The following ATP11B variants were observed in gnomAD, a reference collection of about 807,000 sequenced individuals.
The protein encoded by ATP11B is phospholipid-transporting ATPase IF.
A neutral mutation model predicts 157.8 loss-of-function variants in ATP11B; 81 were observed. The observed-to-expected ratio is 0.51, with a 90% confidence interval of 0.43 to 0.62. ATP11B has a LOEUF of 0.62. Among genes scored for constraint, ATP11B ranks in the 20% least tolerant of loss-of-function variants. The probability of loss-of-function intolerance (pLI) is 0.00; values close to 1 mark genes in which losing one functional copy is unlikely to be tolerated. For missense variants in ATP11B, 1,165 were observed against 1,402.2 expected (o/e 0.83, Z 2.70); for synonymous variants, 451 against 469.4 (o/e 0.96, Z 0.51).
intron 21 of ATP11B, 86 bp downstream of exon 21, chr3:182,881,067 T>A: frequency 1.0e-6 from 1 of 956,956 alleles, no homozygotes; most frequent in Non-Finnish European, 1.6e-6. Flanking sequence ...TTTTGTAGAT[T>A]AAAGTACAGT....
chr3:182,901,628 T>TA (rs1723975252), intron 28 of ATP11B, among the ~76,000 whole-genome samples: 1 of 152,146 alleles, frequency 6.6e-6, no homozygotes, highest in Admixed American at 6.5e-5. Context: ...AAATTCTACT[T>TA]TAGGCAGAGC....
At chr3:182,914,492 ATTTC>A in intron 29 of ATP11B, 1 of 985,274 alleles carries the variant, frequency 1.0e-6, no homozygotes, top group Non-Finnish European at 1.2e-6. Context: ...AAAAGGCTGT[ATTTC>A]TGCTCCCCTA....
chr3:182,910,437 G>A (rs1724699551), intron 28 of ATP11B, among the ~76,000 whole-genome samples: 1 of 152,046 alleles, frequency 6.6e-6, no homozygotes, highest in Non-Finnish European at 1.5e-5. Context: ...AGCCTGACAT[G>A]ATGACGCACA....
intron 17 of ATP11B, among the ~76,000 whole-genome samples, chr3:182,871,114 T>C (rs1201302230): frequency 6.6e-6 from 1 of 151,926 alleles, no homozygotes; most frequent in Non-Finnish European, 1.5e-5. Context: ...GCCTGGGCAA[T>C]GTAGCAAGAC....
chr3:182,911,125 G>T (rs1420484432), intron 28 of ATP11B, among the ~76,000 whole-genome samples: 1 of 151,974 alleles, frequency 6.6e-6, no homozygotes. Flanking sequence ...GTCACAACTG[G>T]TCTTTTTGCA....
intron 12 of ATP11B, among the ~76,000 whole-genome samples, chr3:182,864,818 A>G (rs1345820401): frequency 6.6e-6 from 1 of 152,058 alleles, no homozygotes; most frequent in Non-Finnish European, 1.5e-5. Flanking sequence ...TTCTTTTTTC[A>G]TGGACATACT....
intron 1 of ATP11B, among the ~76,000 whole-genome samples, chr3:182,800,122 A>G (rs951541866): frequency 2.6e-5 from 4 of 152,148 alleles, no homozygotes; most frequent in African/African-American, 9.7e-5. Flanking sequence ...AAAAATAAAA[A>G]TTAAAAAAAA....
At chr3:182,902,704 C>G in intron 28 of ATP11B, 4 of 334,878 alleles carry the variant, frequency 1.2e-5, no homozygotes, top group Non-Finnish European at 5.4e-6. Flanking sequence ...ATAATTTGAC[C>G]TTTATTAACA....
intron 2 of ATP11B, 79 bp downstream of exon 2, chr3:182,820,455 G>A (rs944043614): frequency 1.5e-5 from 14 of 959,746 alleles, no homozygotes; most frequent in Non-Finnish European, 2.2e-5. Context: ...AGGCCAAGGC[G>A]AGAGGATCGG....
intron 27 of ATP11B, among the ~76,000 whole-genome samples, chr3:182,898,395 T>C (rs1225926655): frequency 6.6e-6 from 1 of 152,150 alleles, no homozygotes; most frequent in East Asian, 1.9e-4. Flanking sequence ...GGTCAACTGC[T>C]TGCCATTTTC....
chr3:182,909,462 C>CT lies in ATP11B; in HGVS notation c.3319-4390dup, dbSNP rs991775332. Among the ~76,000 whole-genome samples the CT allele has an allele frequency of 7.3e-5, 11 of 151,468 alleles. No individual in the cohort carries two copies. In the South Asian group the frequency reaches 8.4e-4, roughly 12 times the overall value. On this transcript the variant is annotated intron_variant, in intron 28 of 29. Transcript: ENST00000323116. ...GTGGGGTCTCACTCCCATTACTATG[C>CT]TTTTTTTTTCTTTTCTATTATTTAA...
intron 28 of ATP11B, among the ~76,000 whole-genome samples, chr3:182,903,831 G>A (rs1441894482): frequency 6.6e-6 from 1 of 152,068 alleles, no homozygotes; most frequent in Admixed American, 6.5e-5. Flanking sequence ...GCACACTCTG[G>A]CCAACTGTTT....
intron 15 of ATP11B, 29 bp downstream of exon 15, chr3:182,867,473 T>C: frequency 6.9e-7 from 1 of 1,459,346 alleles, no homozygotes; most frequent in South Asian, 1.1e-5. Flanking sequence ...TTGGAATGTT[T>C]TCTGTGTTAA....
Position 182,918,271 on chromosome 3 carries a change from GCCC to G in ATP11B, c.*169_*171del. ...AAACAAACAGAAAGCATTAGTACAA[GCCC>G]CTCCCAACACCCTTAATTTGAATCT... On this transcript the variant is annotated 3_prime_UTR_variant, in exon 30 of 30. Coordinates refer to ENST00000323116, the MANE Select transcript of ATP11B (RefSeq NM_014616.3). 1.1e-6 allele frequency: 1 copy of G among 910,404 alleles called. No individual in the cohort carries two copies. Among genetic ancestry groups the G allele is most frequent in the Non-Finnish European group, 1.5e-6 (1 of 646,246 alleles). The allele number at this position is 910,404 out of a possible 1,614,324, so 56.4% of individuals were successfully genotyped here.
Position 182,913,854 on chromosome 3 carries a change from C to G in ATP11B, c.3319-7C>G. 1 of 1,614,056 alleles carries G rather than the reference C, an allele frequency of 6.2e-7. No individual in the cohort carries two copies. The highest frequency in any genetic ancestry group is 2.2e-5 in the East Asian group (1 of 44,878). On this transcript the variant is annotated splice_region_variant and splice_polypyrimidine_tract_variant and intron_variant, in intron 28 of 29. Transcript: ENST00000323116. ...ACAACTGATGTTTTCTGCTTCACCTCCCGCAGCTTACTGAAACAAATGCAG... is the reference window on the plus strand; with the variant it reads ...ACAACTGATGTTTTCTGCTTCACCTGCCGCAGCTTACTGAAACAAATGCAG...
At chr3:182,820,561 A>G (rs1329360969) in intron 2 of ATP11B, among the ~76,000 whole-genome samples, 185 bp downstream of exon 2, 1 of 152,106 alleles carries the variant, frequency 6.6e-6, no homozygotes, top group Admixed American at 6.6e-5. Context: ...GCACACCTCT[A>G]CTGACAGCTA....
At chr3:182,841,996 A>C (rs1257799901) in intron 7 of ATP11B, 79 bp from the exon 8 acceptor site, 6 of 928,986 alleles carry the variant, frequency 6.5e-6, no homozygotes, top group Non-Finnish European at 6.6e-6. Flanking sequence ...AAAAAAAAAA[A>C]ACAAAGGATG....
Position 182,795,034 on chromosome 3 carries a change from C to CAA in ATP11B, c.27+1262_27+1263dup, listed in dbSNP as rs10582019. Among the ~76,000 whole-genome samples the CAA allele has an allele frequency of 5.3e-3, 741 of 139,108 alleles. 7 individuals are homozygous for CAA. Among genetic ancestry groups the CAA allele is most frequent in the African/African-American group, 0.018 (692 of 39,020 alleles). The allele number at this position is 139,108 out of a possible 152,430, so 91.3% of individuals were successfully genotyped here. ...TTCGTTTTGCAGCGGGCATCATTCTCAAAAAAAAAAAAAAATTATAAATAA... is the reference window on the plus strand; with the variant it reads ...TTCGTTTTGCAGCGGGCATCATTCTCAAAAAAAAAAAAAAAAATTATAAATAA... On this transcript the variant is annotated intron_variant, in intron 1 of 29. Coordinates refer to ENST00000323116, the MANE Select transcript of ATP11B (RefSeq NM_014616.3).
chr3:182,918,548 T>A lies in ATP11B; in HGVS notation c.*444T>A, dbSNP rs1325060187. ...GTTTGCCTTGAGAACTCTATTTTTT[T>A]ATTAGAGTTATATTTAAAGCTTTTC... On this transcript the variant is annotated 3_prime_UTR_variant, in exon 30 of 30. Coordinates refer to ENST00000323116, the MANE Select transcript of ATP11B (RefSeq NM_014616.3). 7 of 393,558 alleles carry A rather than the reference T, an allele frequency of 1.8e-5. No homozygotes were observed. The Middle Eastern group carries it at 3.2e-3, about 178-fold the overall frequency. 24.4% of individuals were successfully genotyped at this position (393,558 alleles called of 1,614,324 possible). A position where few individuals can be genotyped will look rare whatever the true frequency, so the allele number is the denominator to read the frequency against.
Sources: allele counts gnomAD v4.1 joint callset (sites outside exome capture counted in the v4.1 genomes callset), GRCh38; gene constraint gnomAD v4.1.1; transcripts MANE v1.5; gene names NCBI Gene and HGNC (gene_info 2026-07-23, HGNC 2026-07-21).